ZKSCAN7: variants seen among roughly 807,000 people sequenced by gnomAD.
ZKSCAN7 encodes the protein zinc finger protein with KRAB and SCAN domains 7.
Under a neutral mutation model 65.3 loss-of-function variants are expected in ZKSCAN7, and 38 were observed. That is an observed-to-expected ratio of 0.58 (90% confidence interval 0.45 to 0.76). The LOEUF (loss-of-function observed/expected upper bound fraction) is 0.76, where lower values mean the gene tolerates loss of function less well. Among genes scored for constraint, ZKSCAN7 ranks in the 30% least tolerant of loss-of-function variants. ZKSCAN7 has a pLI of 0.00. For missense variants in ZKSCAN7, 815 were observed against 913.3 expected (o/e 0.89, Z 1.39); for synonymous variants, 321 against 321.0 (o/e 1.00, Z 0.00).
rs145193307 is a variant in ZKSCAN7 at position 44,570,762 on chromosome 3, A to T, written c.1652A>T (p.Tyr551Phe). 148 of 1,614,200 alleles carry T rather than the reference A, an allele frequency of 9.2e-5. No homozygotes were observed. In the African/African-American group the frequency reaches 1.9e-3, roughly 20 times the overall value. Reference sequence around the variant, plus strand: ...AGAATCCACACTGGGGAGAAGCCTTATGAGTGTAGTGAATGTGGCAAAGCC... The same window carrying T: ...AGAATCCACACTGGGGAGAAGCCTTTTGAGTGTAGTGAATGTGGCAAAGCC... ...HQRIHTGEKPYECSECGKAFS... is the reference protein window; with the variant it reads ...HQRIHTGEKPFECSECGKAFS... The change falls in exon 6 of 6, where the codon TAT becomes TTT. Residue 551 changes from tyrosine to phenylalanine, a missense_variant. Coordinates refer to ENST00000426540, the MANE Select transcript of ZKSCAN7 (RefSeq NM_001288590.2).
Position 44,571,622 on chromosome 3 carries a change from A to T in ZKSCAN7, c.*247A>T. On this transcript the variant is annotated 3_prime_UTR_variant, in exon 6 of 6. Transcript: ENST00000426540. ...TTTTTTTCTTTACTTTTAAATTTTA[A>T]CTTTTAAAATCTATTTCATTTCTTA... 2 of 1,331,384 alleles carry T rather than the reference A, an allele frequency of 1.5e-6. No individual in the cohort carries two copies. Among genetic ancestry groups the T allele is most frequent in the Non-Finnish European group, 1.9e-6 (2 of 1,043,700 alleles). The allele number at this position is 1,331,384 out of a possible 1,614,324, so 82.5% of individuals were successfully genotyped here. A position where few individuals can be genotyped will look rare whatever the true frequency, so the allele number is the denominator to read the frequency against.
chr3:44,565,770 T>C (rs753491462), intron 3 of ZKSCAN7, 115 bp downstream of exon 3: 25 of 1,124,444 alleles, frequency 2.2e-5, no homozygotes, highest in Non-Finnish European at 2.6e-5. Context: ...CTCTGCTGTC[T>C]GTCCTTCTTC....
chr3:44,578,100 T>C (rs1394533450), intron 5 of ZKSCAN7: 1 of 1,567,918 alleles, frequency 6.4e-7, no homozygotes, highest in East Asian at 2.2e-5. Context: ...CATGGCACTG[T>C]CAGGGGACTT....
chr3:44,563,375 C>G (rs970169372), intron 2 of ZKSCAN7, among the ~76,000 whole-genome samples: 1 of 152,064 alleles, frequency 6.6e-6, no homozygotes, highest in Admixed American at 6.6e-5. Flanking sequence ...TATGTTAGTC[C>G]TTTTTCACAC....
chr3:44,572,409 AGTGTGT>A (rs34720095), downstream of ZKSCAN7, among the ~76,000 whole-genome samples: 66 of 144,760 alleles, frequency 4.6e-4, 1 homozygote, highest in African/African-American at 1.7e-3. Context: ...AAAGAGAGAG[AGTGTGT>A]GTGTGTGTGT....
At position 44,571,962 on chromosome 3, in the gene ZKSCAN7, C is replaced by A. The variant is rs1699818334; in HGVS notation, c.*587C>A. ...ACTTTTTTATTTTTCTTCAACTTCT[C>A]TTGATTTGACCTCAGTGCTTTGAAT... On this transcript the variant is annotated 3_prime_UTR_variant, in exon 6 of 6. Coordinates refer to ENST00000426540, the MANE Select transcript of ZKSCAN7 (RefSeq NM_001288590.2). 2.0e-6 allele frequency: 2 copies of A among 986,630 alleles called. No individual in the cohort carries two copies. The highest frequency in any genetic ancestry group is 3.5e-5 in the African/African-American group (2 of 57,240). The allele number at this position is 986,630 out of a possible 1,614,324, so 61.1% of individuals were successfully genotyped here.
chr3:44,580,467 A>G, intron 5 of ZKSCAN7: 1 of 1,598,772 alleles, frequency 6.3e-7, no homozygotes, highest in Non-Finnish European at 8.5e-7. Context: ...AGCACTGGGG[A>G]TGCTGCTGCT....
downstream of ZKSCAN7, among the ~76,000 whole-genome samples, chr3:44,572,368 G>GTT (rs1192743782): frequency 1.7e-3 from 253 of 151,166 alleles, no homozygotes; most frequent in Non-Finnish European, 2.6e-3. Flanking sequence ...GTGTGTGTGT[G>GTT]TGTGTGTGTG....
At chr3:44,580,130 C>G (rs570906438) in intron 5 of ZKSCAN7, 9 of 1,608,902 alleles carry the variant, frequency 5.6e-6, no homozygotes, top group South Asian at 4.4e-5. Flanking sequence ...TTTCAATCAC[C>G]TGGGACCTCC....
intron 2 of ZKSCAN7, among the ~76,000 whole-genome samples, chr3:44,562,934 C>A (rs1699523348): frequency 6.6e-6 from 1 of 151,634 alleles, no homozygotes; most frequent in African/African-American, 2.4e-5. Context: ...CGCGCCACTG[C>A]ACTCCAGCCT....
chr3:44,556,408 T>G (rs991416977), intron 1 of ZKSCAN7, among the ~76,000 whole-genome samples: 1 of 152,226 alleles, frequency 6.6e-6, no homozygotes, highest in Non-Finnish European at 1.5e-5. Context: ...GGCTTCTAAG[T>G]GTGTCTCTAG....
At chr3:44,578,641 G>T (rs1699981252) in intron 5 of ZKSCAN7, among the ~76,000 whole-genome samples, 1 of 152,308 alleles carries the variant, frequency 6.6e-6, no homozygotes, top group East Asian at 1.9e-4. Context: ...CATCCGAGTT[G>T]ACGCTGCTGA....
At chr3:44,568,091 T>A in intron 4 of ZKSCAN7, 88 bp downstream of exon 4, 1 of 1,376,946 alleles carries the variant, frequency 7.3e-7, no homozygotes, top group Non-Finnish European at 1.0e-6. Flanking sequence ...CTCTGCCCCA[T>A]CTAAGACTAT....
At chr3:44,580,105 C>T in intron 5 of ZKSCAN7, 1 of 1,608,916 alleles carries the variant, frequency 6.2e-7, no homozygotes, top group Non-Finnish European at 8.5e-7. Context: ...TTCTCAATGT[C>T]CAAGGCCTCA....
chr3:44,561,866 C>T (rs947831484), intron 2 of ZKSCAN7, among the ~76,000 whole-genome samples: 3 of 152,212 alleles, frequency 2.0e-5, no homozygotes, highest in Admixed American at 6.5e-5. Context: ...GGTTATAGCC[C>T]CCATGGCTGC....
chr3:44,571,797 C>G lies in ZKSCAN7; in HGVS notation c.*422C>G. The G allele has an allele frequency of 9.9e-7, 1 of 1,005,030 alleles. No homozygotes were observed. Among genetic ancestry groups the G allele is most frequent in the Non-Finnish European group, 1.2e-6 (1 of 841,302 alleles). The allele number at this position is 1,005,030 out of a possible 1,614,324, so 62.3% of individuals were successfully genotyped here. On this transcript the variant is annotated 3_prime_UTR_variant, in exon 6 of 6. Coordinates refer to ENST00000426540, the MANE Select transcript of ZKSCAN7 (RefSeq NM_001288590.2). ...CCTGCCTCTTGGCTATGGCCCTCCC[C>G]ATCTACTCTTTAAACTTTAATCTAT... is the stretch of plus-strand genomic sequence containing the variant.
In ZKSCAN7 at chr3:44,570,806, C is replaced by CT. The variant is rs1699783904; in HGVS notation, c.1698dup (p.Ile567TyrfsTer16). ...CAAAGCCTTCAGTCGGAGTAAATGT[C>CT]TTATTCGACATCAGAGCCTCCATAC... On this transcript the variant is annotated frameshift_variant, in exon 6 of 6. Coordinates refer to ENST00000426540, the MANE Select transcript of ZKSCAN7 (RefSeq NM_001288590.2). LOFTEE classifies it high-confidence loss of function. 1 of 1,614,028 alleles carries CT rather than the reference C, an allele frequency of 6.2e-7. No individual in the cohort carries two copies. Among genetic ancestry groups the CT allele is most frequent in the African/African-American group, 1.3e-5 (1 of 74,914 alleles).
chr3:44,582,915 T>C (rs1700118167), intron 5 of ZKSCAN7: 1 of 118,278 alleles, frequency 8.5e-6, no homozygotes, highest in Non-Finnish European at 1.6e-5. Flanking sequence ...TTCGTGTGTG[T>C]GTGTGTGTGT....
At position 44,570,187 on chromosome 3, in the gene ZKSCAN7, A is replaced by C. The variant is rs1437564911; in HGVS notation, c.1077A>C (p.Glu359Asp). 1 of 1,614,252 alleles carries C rather than the reference A, an allele frequency of 6.2e-7. No homozygotes were observed. The highest frequency in any genetic ancestry group is 1.7e-5 in the Admixed American group (1 of 60,030). Residue 359 changes from glutamate to aspartate, a missense_variant, in exon 6 of 6, where the codon GAA becomes GAC. Physicochemically the swap from Glu to Asp is conservative, Grantham distance 45. This residue lies in a region of ZKSCAN7 where 578 missense variants were observed against 629.5 expected (regional missense o/e 0.92). Transcript: ENST00000426540. ...AAGACAGATATGACAAATATAAGGA[A>C]GTTGGGGAACATCCACCTCTGTCTT... ...STKDRYDKYK[E>D]VGEHPPLSSS...
Sources: allele counts gnomAD v4.1 joint callset (sites outside exome capture counted in the v4.1 genomes callset), GRCh38; gene constraint gnomAD v4.1.1; regional missense constraint gnomAD v4.1.1; transcripts MANE v1.5; gene names NCBI Gene and HGNC (gene_info 2026-07-23, HGNC 2026-07-21).